The following UBXN8 variants were observed in gnomAD, a reference collection of about 807,000 sequenced individuals.
The protein encoded by UBXN8 is UBX domain protein 8.
A neutral mutation model predicts 32.1 loss-of-function variants in UBXN8; 27 were observed. The ratio of observed to expected loss-of-function variants is 0.84; its 90% CI spans 0.62 to 1.16. The LOEUF (loss-of-function observed/expected upper bound fraction) is 1.16. UBXN8 is among the 50% of genes most tolerant of loss of function. The probability of loss-of-function intolerance (pLI) is 0.00; values close to 1 mark genes in which losing one functional copy is unlikely to be tolerated. For synonymous variants in UBXN8, 109 were observed against 111.8 expected, an observed-to-expected ratio of 0.98 and a Z score of 0.16; for missense variants, 306 against 311.4, an observed-to-expected ratio of 0.98 and a Z score of 0.13.
upstream of UBXN8, among the ~76,000 whole-genome samples, chr8:30,741,414 C>A (rs1053298991): frequency 6.6e-6 from 1 of 151,562 alleles, no homozygotes; most frequent in Non-Finnish European, 1.5e-5. Flanking sequence ...CCCTTGACGT[C>A]CCCTCTGAGA....
At chr8:30,762,851 G>A (rs943429719) in intron 6 of UBXN8, among the ~76,000 whole-genome samples, 2 of 148,354 alleles carry the variant, frequency 1.3e-5, no homozygotes, top group Admixed American at 7.0e-5. Context: ...AAACACTAAT[G>A]TGTTATCTTC....
chr8:30,735,710 G>A (rs2128751766), intron 1 of UBXN8, among the ~76,000 whole-genome samples: 1 of 152,238 alleles, frequency 6.6e-6, no homozygotes, highest in East Asian at 1.9e-4. Flanking sequence ...ATGGTGGCAT[G>A]TGCCTGTAAT....
chr8:30,758,886 TTTTTTTTG>T (rs1368807006), intron 5 of UBXN8, among the ~76,000 whole-genome samples: 2 of 122,898 alleles, frequency 1.6e-5, no homozygotes, highest in African/African-American at 6.6e-5. Flanking sequence ...TTTTTGTTTG[TTTTTTTTG>T]TTTTTTTTTT....
upstream of UBXN8, among the ~76,000 whole-genome samples, chr8:30,731,591 C>T (rs946850296): frequency 2.0e-5 from 3 of 151,976 alleles, no homozygotes; most frequent in East Asian, 5.9e-4. Flanking sequence ...TACGGTCCCC[C>T]GAGAGGAGGA....
chr8:30,756,965 G>A (rs919634521), intron 5 of UBXN8, 78 bp downstream of exon 5: 2 of 1,570,376 alleles, frequency 1.3e-6, no homozygotes, highest in African/African-American at 1.3e-5. Flanking sequence ...GTGGTATACT[G>A]GGTGAAGATC....
chr8:30,761,952 T>C (rs1226336506), intron 6 of UBXN8, among the ~76,000 whole-genome samples: 2 of 151,994 alleles, frequency 1.3e-5, no homozygotes, highest in East Asian at 3.9e-4. Context: ...CACTTCCTAA[T>C]GTATGGGGAG....
intron 6 of UBXN8, among the ~76,000 whole-genome samples, chr8:30,761,709 CAAAAAGGAAAAA>C (rs1431755764): frequency 6.2e-5 from 9 of 145,676 alleles, no homozygotes; most frequent in Non-Finnish European, 9.0e-5. Flanking sequence ...GCTGTCGCTA[CAAAAAGGAAAAA>C]AAAAAGGAAA....
At chr8:30,735,454 G>A (rs1247250691) in intron 1 of UBXN8, among the ~76,000 whole-genome samples, 4 of 152,188 alleles carry the variant, frequency 2.6e-5, no homozygotes, top group Non-Finnish European at 5.9e-5. Flanking sequence ...CCACTCAGGA[G>A]GCTGAGACAT....
chr8:30,760,437 A>ATTTTTT (rs1361022250), intron 5 of UBXN8, among the ~76,000 whole-genome samples: 2 of 44,892 alleles, frequency 4.5e-5, no homozygotes, highest in African/African-American at 1.8e-4. Flanking sequence ...ATATATATAT[A>ATTTTTT]TATATATTTT....
At chr8:30,762,324 C>G (rs1805854625) in intron 6 of UBXN8, among the ~76,000 whole-genome samples, 1 of 152,136 alleles carries the variant, frequency 6.6e-6, no homozygotes, top group Admixed American at 6.6e-5. Flanking sequence ...GATCCTCTCA[C>G]CTTGGCCTCC....
At chr8:30,739,072 G>T (rs541730468) in intron 1 of UBXN8, among the ~76,000 whole-genome samples, 31 of 150,784 alleles carry the variant, frequency 2.1e-4, no homozygotes, top group Admixed American at 1.5e-3. Flanking sequence ...AAGATGGAGG[G>T]GGAAAAAAGG....
intron 1 of UBXN8, among the ~76,000 whole-genome samples, chr8:30,750,663 C>T (rs1165684049): frequency 1.3e-5 from 2 of 151,690 alleles, no homozygotes; most frequent in Non-Finnish European, 2.9e-5. Context: ...GTCCCAGCTA[C>T]TCGGGAGGCT....
upstream of UBXN8, among the ~76,000 whole-genome samples, chr8:30,742,856 TTA>T (rs1224818078): frequency 6.6e-6 from 1 of 152,076 alleles, no homozygotes; most frequent in Admixed American, 6.5e-5. Flanking sequence ...AGGAACTGCA[TTA>T]TGTTTATTTG....
At chr8:30,762,876 CT>C (rs57351368) in intron 6 of UBXN8, among the ~76,000 whole-genome samples, 147,254 of 151,360 alleles carry the variant, frequency 0.97, 71,740 homozygotes, top group Middle Eastern at 1. Flanking sequence ...TTTATAATGT[CT>C]TTTTTTTTTT....
chr8:30,740,076 A>G (rs1175776973), upstream of UBXN8, among the ~76,000 whole-genome samples: 1 of 146,558 alleles, frequency 6.8e-6, no homozygotes, highest in South Asian at 2.2e-4. Context: ...TAATTAAAAA[A>G]TGTGTTTTTT....
intron 1 of UBXN8, 153 bp downstream of exon 1, chr8:30,744,430 GACTTC>G (rs1237517986): frequency 4.1e-6 from 3 of 726,286 alleles, no homozygotes; most frequent in Non-Finnish European, 6.9e-6. Flanking sequence ...TTCCGGAGCT[GACTTC>G]ACTTCGAGGA....
At chr8:30,760,437 A>G (rs866008791) in intron 5 of UBXN8, among the ~76,000 whole-genome samples, 1 of 44,892 alleles carries the variant, frequency 2.2e-5, no homozygotes, top group Non-Finnish European at 4.8e-5. Flanking sequence ...ATATATATAT[A>G]TATATATTTT....
rs114281841 is a variant in UBXN8, at chr8:30,761,405, G to A, written c.570+476G>A. On this transcript the variant is annotated intron_variant, in intron 6 of 7. Coordinates refer to ENST00000265616, the MANE Select transcript of UBXN8 (RefSeq NM_005671.4). ...GATTACAGGCATCTGCCACCACATCGGGCTAGTTTTTGTATTTTTAGTAGA... is the reference window on the plus strand; with the variant it reads ...GATTACAGGCATCTGCCACCACATCAGGCTAGTTTTTGTATTTTTAGTAGA... Among the ~76,000 whole-genome samples the A allele has an allele frequency of 3.3e-3, 496 of 151,932 alleles. 4 individuals are homozygous for A. The highest frequency in any genetic ancestry group is 0.011 in the African/African-American group (467 of 41,462).
At chr8:30,762,947 T>A (rs926391937) in intron 6 of UBXN8, among the ~76,000 whole-genome samples, 1 of 152,136 alleles carries the variant, frequency 6.6e-6, no homozygotes, top group African/African-American at 2.4e-5. Context: ...CAGCTTACTG[T>A]TGCCTCAGAT....
Sources: allele counts gnomAD v4.1 joint callset (sites outside exome capture counted in the v4.1 genomes callset), GRCh38; gene constraint gnomAD v4.1.1; transcripts MANE v1.5; gene names NCBI Gene and HGNC (gene_info 2026-07-23, HGNC 2026-07-21).